The following BICDL1 variants were observed in gnomAD, a reference collection of about 807,000 sequenced individuals.
BICDL1 encodes the protein BICD family like cargo adaptor 1.
BICDL1 carries 20 observed loss-of-function variants against 76.8 expected under a neutral mutation model. The ratio of observed to expected loss-of-function variants is 0.26; its 90% CI spans 0.18 to 0.38. BICDL1 has a LOEUF of 0.38. BICDL1 is among the 10% of genes least tolerant of loss of function. The pLI is 1.00. For missense variants in BICDL1, 700 were observed against 798.6 expected, an observed-to-expected ratio of 0.88 and a Z score of 1.49; for synonymous variants, 383 against 337.1, an observed-to-expected ratio of 1.14 and a Z score of -1.49.
intron 2 of BICDL1, among the ~76,000 whole-genome samples, chr12:120,023,469 C>G (rs1952223817): frequency 6.6e-6 from 1 of 152,114 alleles, no homozygotes; most frequent in Non-Finnish European, 1.5e-5. Flanking sequence ...TGGTAAAATT[C>G]ACAATGTCTG....
intron 2 of BICDL1, chr12:120,000,158 G>A (rs1376357706): frequency 1.3e-5 from 2 of 154,330 alleles, no homozygotes; most frequent in Non-Finnish European, 2.9e-5. Context: ...GAGAAAGAAA[G>A]AAGGAAAATG....
intron 1 of BICDL1, chr12:119,993,034 A>G (rs1232404868): frequency 4.0e-5 from 6 of 150,310 alleles, no homozygotes; most frequent in African/African-American, 9.8e-5. Flanking sequence ...GCTCACTGCA[A>G]GCTCCACCTC....
intron 2 of BICDL1, among the ~76,000 whole-genome samples, chr12:120,027,144 C>T (rs754118887): frequency 8.7e-5 from 13 of 149,586 alleles, no homozygotes; most frequent in Non-Finnish European, 1.6e-4. Flanking sequence ...GATTCTCGTG[C>T]CTCAGCCTCC....
At chr12:120,064,039 G>A (rs932071167) in intron 3 of BICDL1, among the ~76,000 whole-genome samples, 4 of 152,196 alleles carry the variant, frequency 2.6e-5, no homozygotes, top group Non-Finnish European at 5.9e-5. Flanking sequence ...ATATCAACCT[G>A]TTTCATAAAA....
At chr12:120,035,273 T>C (rs1594146005) in intron 2 of BICDL1, among the ~76,000 whole-genome samples, 1 of 151,870 alleles carries the variant, frequency 6.6e-6, no homozygotes, top group Non-Finnish European at 1.5e-5. Context: ...GAGGTGGAGG[T>C]GGCAGTGAGC....
intron 8 of BICDL1, among the ~76,000 whole-genome samples, chr12:120,087,905 G>C (rs567229151): frequency 6.6e-6 from 1 of 152,190 alleles, no homozygotes; most frequent in Non-Finnish European, 1.5e-5. Context: ...AGACATTTTT[G>C]TGCATATCCT....
chr12:120,001,364 A>G (rs1264969993), intron 2 of BICDL1, among the ~76,000 whole-genome samples: 2 of 152,116 alleles, frequency 1.3e-5, no homozygotes, highest in Non-Finnish European at 2.9e-5. Context: ...CTCTTGCCTC[A>G]GCCTCCCAAG....
intron 8 of BICDL1, among the ~76,000 whole-genome samples, chr12:120,083,179 A>G (rs2138994507): frequency 6.6e-6 from 1 of 152,310 alleles, no homozygotes; most frequent in East Asian, 1.9e-4. Flanking sequence ...CATTTTCTTC[A>G]TAAACACATT....
chr12:120,073,554 T>C (rs1873277560), intron 6 of BICDL1, among the ~76,000 whole-genome samples: 1 of 152,200 alleles, frequency 6.6e-6, no homozygotes, highest in South Asian at 2.1e-4. Flanking sequence ...GAGAGGACTG[T>C]TCCCGTGGGC....
intron 8 of BICDL1, among the ~76,000 whole-genome samples, chr12:120,085,998 TAAAAAAAAAAA>T: frequency 7.7e-6 from 1 of 129,344 alleles, no homozygotes; most frequent in Non-Finnish European, 1.7e-5. Flanking sequence ...TTTCTCCCTT[TAAAAAAAAAAA>T]AAAAAAAAAG....
chr12:120,088,842 A>G (rs1441827395), intron 8 of BICDL1, among the ~76,000 whole-genome samples: 1 of 150,528 alleles, frequency 6.6e-6, no homozygotes, highest in Non-Finnish European at 1.5e-5. Flanking sequence ...AATTTTTGGT[A>G]TTTTTAGTAG....
intron 2 of BICDL1, among the ~76,000 whole-genome samples, chr12:120,013,049 G>A (rs1183308351): frequency 6.6e-6 from 1 of 151,892 alleles, no homozygotes; most frequent in Non-Finnish European, 1.5e-5. Flanking sequence ...GGTGGCTCAT[G>A]CCTGTAATCC....
At chr12:120,066,549 C>T (rs61945812) in intron 4 of BICDL1, among the ~76,000 whole-genome samples, 56 of 152,304 alleles carry the variant, frequency 3.7e-4, no homozygotes, top group Middle Eastern at 3.4e-3. Flanking sequence ...CCCGTCATGC[C>T]ACATGCACTT....
chr12:119,990,470 C>T (rs1008397238), intron 1 of BICDL1, among the ~76,000 whole-genome samples, 173 bp downstream of exon 1: 6 of 152,192 alleles, frequency 3.9e-5, no homozygotes, highest in Non-Finnish European at 7.3e-5. Context: ...GTTGAACCCA[C>T]TTGACTTCCC....
chr12:120,091,121 T>A, intron 9 of BICDL1: 1 of 1,253,546 alleles, frequency 8.0e-7, no homozygotes, highest in Non-Finnish European at 1.0e-6. Flanking sequence ...TGCTGGAGCC[T>A]GGCGTCATCT....
intron 2 of BICDL1, among the ~76,000 whole-genome samples, chr12:120,046,562 A>C (rs1337649639): frequency 2.6e-5 from 4 of 152,252 alleles, no homozygotes; most frequent in African/African-American, 9.6e-5. Context: ...CAGAGAATTA[A>C]GCAGTTTGCC....
Position 119,989,666 on chromosome 12 carries a change from GGCGGGGGAGGGGGCGCGTGCCGCCGGC to G in BICDL1, c.-190_-164del, listed in dbSNP as rs1223891351. On this transcript the variant is annotated 5_prime_UTR_variant, in exon 1 of 10. Transcript: ENST00000548673. ...GCGCGCCTGAGCAGCTGAGCCCGGG[GGCGGGGGAGGGGGCGCGTGCCGCCGGC>G]GCGGGGGAGGGGCGGGCCGGCGCGC... is the stretch of plus-strand genomic sequence containing the variant. Among the ~76,000 whole-genome samples, 3 of 147,904 alleles carry G rather than the reference GGCGGGGGAGGGGGCGCGTGCCGCCGGC, an allele frequency of 2.0e-5. No individual in the cohort carries two copies. The highest frequency in any genetic ancestry group is 7.3e-5 in the African/African-American group (3 of 40,836).
At position 120,060,083 on chromosome 12, in the gene BICDL1, G is replaced by A. The variant is rs143707381; in HGVS notation, c.646-1627G>A. 1.1e-4 allele frequency among the ~76,000 whole-genome samples: 16 copies of A among 152,294 alleles called. No homozygotes were observed. The East Asian group carries it at 1.7e-3, about 17-fold the overall frequency. Reference sequence around the variant, plus strand: ...GCAAGTTCCTTCAGTTTCCTGAGCCGATTTCCTTGTTAATTGGGGGTAACA... The same window carrying A: ...GCAAGTTCCTTCAGTTTCCTGAGCCAATTTCCTTGTTAATTGGGGGTAACA... On this transcript the variant is annotated intron_variant, in intron 2 of 9. Transcript: ENST00000548673.
At chr12:120,034,303 T>C (rs1952488354) in intron 2 of BICDL1, among the ~76,000 whole-genome samples, 1 of 152,224 alleles carries the variant, frequency 6.6e-6, no homozygotes, top group African/African-American at 2.4e-5. Context: ...CAATCAAGGT[T>C]ACTTGAATGT....
Sources: gnomAD v4.1 joint callset for allele counts (sites outside exome capture counted in the v4.1 genomes callset) on GRCh38, gnomAD v4.1.1 for gene constraint, MANE v1.5 for transcripts, NCBI Gene and HGNC (gene_info 2026-07-23, HGNC 2026-07-21) for gene names.